Variants in DNAJC5B observed in about 807,000 individuals in gnomAD.
DNAJC5B encodes the protein DnaJ heat shock protein family (Hsp40) member C5 beta.
DNAJC5B carries 23 observed loss-of-function variants against 24.7 expected under a neutral mutation model. That is an observed-to-expected ratio of 0.93 (90% CI 0.67 to 1.32). DNAJC5B has a LOEUF of 1.32. Ranked by LOEUF, DNAJC5B falls within the 40% of genes most tolerant of loss-of-function variation. The pLI, the probability that DNAJC5B is intolerant of heterozygous loss-of-function variation, is 0.00. For missense variants in DNAJC5B, 238 were observed against 240.8 expected (o/e 0.99, Z 0.08); for synonymous variants, 101 against 90.1 (o/e 1.12, Z -0.68).
intron 3 of DNAJC5B, among the ~76,000 whole-genome samples, chr8:66,067,430 ATCT>A (rs1159299947): frequency 1.3e-5 from 2 of 152,176 alleles, no homozygotes; most frequent in East Asian, 1.9e-4. Flanking sequence ...TTAGAAGGAA[ATCT>A]TCTGTGGTTG....
intron 5 of DNAJC5B, among the ~76,000 whole-genome samples, chr8:66,091,831 A>G (rs1056771427): frequency 6.6e-6 from 1 of 152,180 alleles, no homozygotes; most frequent in Non-Finnish European, 1.5e-5. Flanking sequence ...TCAGCCGTAA[A>G]AAGGAATGAG....
intron 4 of DNAJC5B, among the ~76,000 whole-genome samples, chr8:66,077,801 A>G (rs1807504238): frequency 6.6e-6 from 1 of 152,198 alleles, no homozygotes; most frequent in South Asian, 2.1e-4. Flanking sequence ...CAGCATGCAA[A>G]AGGATTCTTG....
chr8:66,084,941 AT>A (rs1401627341), intron 5 of DNAJC5B, among the ~76,000 whole-genome samples: 3 of 152,106 alleles, frequency 2.0e-5, no homozygotes, highest in Non-Finnish European at 4.4e-5. Flanking sequence ...TCTGAGTTTT[AT>A]GTTTAACATT....
intron 1 of DNAJC5B, among the ~76,000 whole-genome samples, chr8:66,028,373 A>C (rs1367600486): frequency 6.6e-6 from 1 of 152,180 alleles, no homozygotes; most frequent in East Asian, 1.9e-4. Flanking sequence ...TGGAAACACA[A>C]GGACACCAGG....
chr8:66,024,312 C>T (rs1586057669), intron 1 of DNAJC5B, among the ~76,000 whole-genome samples: 1 of 150,860 alleles, frequency 6.6e-6, no homozygotes, highest in African/African-American at 2.4e-5. Context: ...GTGTAATATA[C>T]TGAGTAATTT....
intron 5 of DNAJC5B, among the ~76,000 whole-genome samples, chr8:66,082,591 C>A (rs1200269204): frequency 6.6e-6 from 1 of 152,056 alleles, no homozygotes; most frequent in Non-Finnish European, 1.5e-5. Flanking sequence ...TCACAGAGGT[C>A]AGATCCTGGA....
chr8:66,050,288 A>G (rs1208833606), intron 2 of DNAJC5B, among the ~76,000 whole-genome samples: 2 of 152,162 alleles, frequency 1.3e-5, no homozygotes, highest in East Asian at 3.8e-4. Flanking sequence ...ACCTAGCTGA[A>G]ACACACAAGA....
At chr8:66,086,566 C>T (rs543589137) in intron 5 of DNAJC5B, among the ~76,000 whole-genome samples, 29 of 152,090 alleles carry the variant, frequency 1.9e-4, no homozygotes, top group Non-Finnish European at 3.1e-4. Context: ...TTTAAAAGAA[C>T]AGAGGAGCCA....
intron 1 of DNAJC5B, among the ~76,000 whole-genome samples, chr8:66,038,456 C>T (rs1274724434): frequency 1.3e-5 from 2 of 152,156 alleles, no homozygotes; most frequent in African/African-American, 4.8e-5. Context: ...TTTACCATCA[C>T]CAAACAAATA....
At chr8:66,037,867 G>T (rs906445035) in intron 1 of DNAJC5B, among the ~76,000 whole-genome samples, 5 of 152,124 alleles carry the variant, frequency 3.3e-5, no homozygotes, top group African/African-American at 1.2e-4. Flanking sequence ...GAGTATGAGG[G>T]CATGGCTGTG....
intron 5 of DNAJC5B, among the ~76,000 whole-genome samples, chr8:66,090,282 G>GT: frequency 7.6e-6 from 1 of 131,016 alleles, no homozygotes; most frequent in Non-Finnish European, 1.7e-5. Context: ...TGTGTGTGTG[G>GT]TAGAGAGAGA....
chr8:66,051,736 T>C (rs1806849906), intron 3 of DNAJC5B, 70 bp downstream of exon 3: 2 of 1,181,346 alleles, frequency 1.7e-6, no homozygotes, highest in African/African-American at 1.5e-5. Context: ...ATTCCTCCAT[T>C]AAAGACATAA....
rs1467453798 is a variant in DNAJC5B, at chr8:66,100,043, C to G, written c.*12C>G. On this transcript the variant is annotated 3_prime_UTR_variant, in exon 6 of 6. Transcript: ENST00000276570. ...GCACAGACTCTTGATATTGAGCCCT[C>G]AGAGAGTCCACAGTCCCTCCTCTCA... is the stretch of plus-strand genomic sequence containing the variant. 6.2e-7 allele frequency: 1 copy of G among 1,611,402 alleles called. No individual in the cohort carries two copies. Among genetic ancestry groups the G allele is most frequent in the Non-Finnish European group, 8.5e-7 (1 of 1,178,180 alleles).
At chr8:66,074,891 T>C (rs1330390674) in intron 3 of DNAJC5B, among the ~76,000 whole-genome samples, 6 of 152,176 alleles carry the variant, frequency 3.9e-5, no homozygotes, top group African/African-American at 1.2e-4. Flanking sequence ...GTGTTACAAG[T>C]GGAGGTGTTC....
At chr8:66,027,535 G>A (rs1384052838) in intron 1 of DNAJC5B, among the ~76,000 whole-genome samples, 1 of 149,546 alleles carries the variant, frequency 6.7e-6, no homozygotes, top group Non-Finnish European at 1.5e-5. Context: ...CACTATAAAT[G>A]AAAGTTCCAC....
At chr8:66,097,231 A>C (rs1357829220) in intron 5 of DNAJC5B, among the ~76,000 whole-genome samples, 3 of 144,686 alleles carry the variant, frequency 2.1e-5, no homozygotes, top group Non-Finnish European at 4.6e-5. Flanking sequence ...AAATTGTCAG[A>C]GTGTCTTTTC....
At chr8:66,044,065 T>C (rs974388406) in intron 2 of DNAJC5B, among the ~76,000 whole-genome samples, 4 of 152,246 alleles carry the variant, frequency 2.6e-5, no homozygotes, top group African/African-American at 7.2e-5. Context: ...TCAGGTGATC[T>C]ACCCGCATTG....
At chr8:66,089,720 T>C (rs1586117256) in intron 5 of DNAJC5B, among the ~76,000 whole-genome samples, 1 of 152,058 alleles carries the variant, frequency 6.6e-6, no homozygotes, top group Non-Finnish European at 1.5e-5. Context: ...TTTGTTTGGG[T>C]TTTTATGTCC....
intron 5 of DNAJC5B, among the ~76,000 whole-genome samples, chr8:66,093,399 C>G (rs1417914339): frequency 6.6e-6 from 1 of 152,152 alleles, no homozygotes; most frequent in Non-Finnish European, 1.5e-5. Context: ...CTTGCCTCCA[C>G]TTGACATCCC....
Sources: gnomAD v4.1 joint callset for allele counts (sites outside exome capture counted in the v4.1 genomes callset) on GRCh38, gnomAD v4.1.1 for gene constraint, MANE v1.5 for transcripts, NCBI Gene and HGNC (gene_info 2026-07-23, HGNC 2026-07-21) for gene names.